SEL1L3: variants seen among roughly 807,000 people sequenced by gnomAD.
The protein encoded by SEL1L3 is protein sel-1 homolog 3.
In SEL1L3, 76 loss-of-function variants were observed where a neutral mutation model predicts 142.8. The ratio of observed to expected loss-of-function variants is 0.53; its 90% CI spans 0.44 to 0.64. The LOEUF is 0.64. Ranked by LOEUF, SEL1L3 falls within the 30% of genes least tolerant of loss-of-function variation. SEL1L3 has a pLI of 0.00. For missense variants in SEL1L3, 1,262 were observed against 1,381.7 expected, an observed-to-expected ratio of 0.91 and a Z score of 1.37; for synonymous variants, 504 against 519.6, an observed-to-expected ratio of 0.97 and a Z score of 0.41.
At chr4:25,773,693 C>T (rs1283954717) in intron 17 of SEL1L3, 1 of 152,208 alleles carries the variant, frequency 6.6e-6, no homozygotes, top group Non-Finnish European at 1.5e-5. Context: ...ATTGATGGCT[C>T]CCCACTGCTT....
At chr4:25,791,247 A>G (rs751664687) in intron 11 of SEL1L3, among the ~76,000 whole-genome samples, 1 of 152,210 alleles carries the variant, frequency 6.6e-6, no homozygotes, top group Non-Finnish European at 1.5e-5. Context: ...TCTTTTGGCT[A>G]TTTCCAAAAA....
the SEL1L3 span, among the ~76,000 whole-genome samples, chr4:25,722,624 C>CTTTTTTTTTTTTTTTTTTTTTTTTTTTTT: frequency 1.9e-5 from 2 of 103,666 alleles, no homozygotes; most frequent in African/African-American, 7.3e-5. Flanking sequence ...CCAAAGGAGG[C>CTTTTTTTTTTTTTTTTTTTTTTTTTTTTT]TTTTTTTTTT....
At chr4:25,734,236 G>A in the SEL1L3 span, among the ~76,000 whole-genome samples, 4 of 151,954 alleles carry the variant, frequency 2.6e-5, no homozygotes, top group African/African-American at 7.3e-5. Flanking sequence ...AGTAGAGACC[G>A]GGTTTCATCA....
the SEL1L3 span, among the ~76,000 whole-genome samples, chr4:25,735,923 G>A: frequency 4.8e-5 from 7 of 144,444 alleles, no homozygotes; most frequent in South Asian, 2.3e-4. Context: ...TCCACCTCCC[G>A]GGTTCATGCC....
At position 25,805,718 on chromosome 4, in the gene SEL1L3, G is replaced by C. The variant is rs1353908522; in HGVS notation, c.1565-966C>G. On this transcript the variant is annotated intron_variant, in intron 9 of 23. Transcript: ENST00000399878. The stretch of plus-strand genomic sequence containing the variant: ...TCTATCTTTGTTATTCATATCTCTT[G>C]TTAATTCAGCCAACGAATGTTTACT... 2.0e-5 allele frequency among the ~76,000 whole-genome samples: 3 copies of C among 152,106 alleles called. No homozygotes were observed. In the East Asian group the frequency reaches 5.8e-4, roughly 29 times the overall value.
intron 9 of SEL1L3, among the ~76,000 whole-genome samples, chr4:25,810,426 CCATT>C (rs775317934): frequency 2.0e-5 from 3 of 152,140 alleles, no homozygotes; most frequent in Non-Finnish European, 4.4e-5. Context: ...TGCCAGAGCC[CCATT>C]CAAAGGGTTT....
At chr4:25,767,188 G>C (rs1283624842) in intron 19 of SEL1L3, among the ~76,000 whole-genome samples, 1 of 152,054 alleles carries the variant, frequency 6.6e-6, no homozygotes, top group African/African-American at 2.4e-5. Flanking sequence ...CAGCTACTCG[G>C]GCAGGAGAAT....
At chr4:25,760,848 T>A (rs1718328059) in intron 20 of SEL1L3, among the ~76,000 whole-genome samples, 1 of 152,220 alleles carries the variant, frequency 6.6e-6, no homozygotes, top group Non-Finnish European at 1.5e-5. Context: ...ATTCATTTAA[T>A]CCTCATAACA....
chr4:25,745,137 G>A (rs1019984706), downstream of SEL1L3, among the ~76,000 whole-genome samples: 1 of 152,176 alleles, frequency 6.6e-6, no homozygotes, highest in African/African-American at 2.4e-5. Flanking sequence ...GCTCAAACCT[G>A]TAATCCCAGC....
intron 9 of SEL1L3, among the ~76,000 whole-genome samples, chr4:25,809,986 T>A (rs543444689): frequency 3.3e-5 from 5 of 152,188 alleles, no homozygotes; most frequent in Non-Finnish European, 7.4e-5. Flanking sequence ...CCTTGGCGTA[T>A]TGTGTGGGGA....
chr4:25,835,450 A>G, intron 2 of SEL1L3, 127 bp from the exon 3 acceptor site: 1 of 987,928 alleles, frequency 1.0e-6, no homozygotes, highest in Non-Finnish European at 1.5e-6. Context: ...TAAAAATATT[A>G]GCAAACATCT....
At chr4:25,715,648 A>C in the SEL1L3 span, among the ~76,000 whole-genome samples, 1 of 152,206 alleles carries the variant, frequency 6.6e-6, no homozygotes, top group African/African-American at 2.4e-5. Context: ...GTTTGTAACA[A>C]CAAAATATGG....
chr4:25,738,394 C>T, the SEL1L3 span, among the ~76,000 whole-genome samples: 1 of 152,132 alleles, frequency 6.6e-6, no homozygotes, highest in Non-Finnish European at 1.5e-5. Flanking sequence ...CGCTGCAGTA[C>T]AGGTTTTGTC....
At position 25,765,312 on chromosome 4, in the gene SEL1L3, C is replaced by T. The variant is rs2109134901; in HGVS notation, c.2955+14G>A. 8 of 1,557,928 alleles carry T rather than the reference C, an allele frequency of 5.1e-6. No individual in the cohort carries two copies. Among genetic ancestry groups the T allele is most frequent in the East Asian group, 2.2e-5 (1 of 44,482 alleles). On this transcript the variant is annotated intron_variant, in intron 20 of 23. Transcript: ENST00000399878. The stretch of plus-strand genomic sequence containing the variant: ...CCCGGCCAAGAGCTGGTTTTTGTTG[C>T]GGTTGCTGTTTACCTGGGAGTCTCC...
intron 9 of SEL1L3, among the ~76,000 whole-genome samples, chr4:25,805,421 G>A (rs1713488955): frequency 6.6e-6 from 1 of 152,154 alleles, no homozygotes; most frequent in African/African-American, 2.4e-5. Flanking sequence ...TACAAAGGCT[G>A]GCAAGAGGCA....
At chr4:25,739,644 T>G in the SEL1L3 span, among the ~76,000 whole-genome samples, 1 of 151,666 alleles carries the variant, frequency 6.6e-6, no homozygotes, top group South Asian at 2.1e-4. Context: ...GATGCAGAGG[T>G]TGCAGTGATC....
chr4:25,747,357 G>A (rs1717306163), downstream of SEL1L3: 2 of 151,924 alleles, frequency 1.3e-5, no homozygotes, highest in Non-Finnish European at 2.9e-5. Flanking sequence ...CCTCCTCAAG[G>A]AGAATATATG....
At chr4:25,835,706 A>G (rs1214466425) in intron 2 of SEL1L3, among the ~76,000 whole-genome samples, 2 of 152,238 alleles carry the variant, frequency 1.3e-5, no homozygotes, top group South Asian at 4.1e-4. Flanking sequence ...TTTGTGTTAC[A>G]ACAGTAAGTT....
intron 11 of SEL1L3, among the ~76,000 whole-genome samples, chr4:25,800,618 G>GT (rs745731544): frequency 4.0e-5 from 6 of 151,520 alleles, no homozygotes; most frequent in East Asian, 1.9e-4. Flanking sequence ...AAAAAAAATA[G>GT]TTTTTTTTGG....
Sources: allele counts gnomAD v4.1 joint callset (sites outside exome capture counted in the v4.1 genomes callset), GRCh38; gene constraint gnomAD v4.1.1; transcripts MANE v1.5; gene names NCBI Gene and HGNC (gene_info 2026-07-23, HGNC 2026-07-21).